The following GREM2 variants were observed in gnomAD, a reference collection of about 807,000 sequenced individuals.
GREM2 encodes gremlin-2.
A neutral mutation model predicts 14.2 loss-of-function variants in GREM2; 11 were observed. That is an observed-to-expected ratio of 0.78 (90% confidence interval 0.49 to 1.28). The LOEUF is 1.28. Ranked by LOEUF, GREM2 falls within the 50% of genes most tolerant of loss-of-function variation. The pLI is 0.00. For missense variants in GREM2, 210 were observed against 218.5 expected (o/e 0.96, Z 0.24); for synonymous variants, 98 against 97.6 (o/e 1.00, Z -0.02).
In GREM2 at chr1:240,510,049, T is replaced by G. The variant is rs143756432; in HGVS notation, c.-1-16573A>C. 8.3e-3 allele frequency among the ~76,000 whole-genome samples: 1,262 copies of G among 152,174 alleles called. 17 individuals carry two copies. The highest frequency in any genetic ancestry group is 0.029 in the African/African-American group (1,195 of 41,508). ...AAATATTCTTACTCAATACATCCATTTATAAAAATAATTATCGCTCTTTAA... is the reference window on the plus strand; with the variant it reads ...AAATATTCTTACTCAATACATCCATGTATAAAAATAATTATCGCTCTTTAA... On this transcript the variant is annotated intron_variant, in intron 1 of 1. Transcript: ENST00000318160.
intron 1 of GREM2, among the ~76,000 whole-genome samples, chr1:240,495,795 A>G (rs1379335761): frequency 2.6e-5 from 4 of 152,142 alleles, no homozygotes; most frequent in African/African-American, 9.7e-5. Context: ...CTAAGTCTAA[A>G]CCACAAGAGG....
At chr1:240,511,931 A>G (rs542978763) in intron 1 of GREM2, among the ~76,000 whole-genome samples, 13 of 152,308 alleles carry the variant, frequency 8.5e-5, no homozygotes, top group Non-Finnish European at 1.5e-4. Flanking sequence ...CCCAATAAGA[A>G]TAAGTGTGGA....
chr1:240,494,697 C>T (rs911566380), intron 1 of GREM2, among the ~76,000 whole-genome samples: 3 of 151,940 alleles, frequency 2.0e-5, no homozygotes, highest in African/African-American at 4.8e-5. Context: ...GTCAGGAGAT[C>T]GAGACCATCC....
At chr1:240,611,091 T>G (rs964247470) in intron 1 of GREM2, among the ~76,000 whole-genome samples, 8 of 146,164 alleles carry the variant, frequency 5.5e-5, no homozygotes, top group Non-Finnish European at 7.6e-5. Context: ...AAAAAAGAAA[T>G]AGAAGTTTAT....
At chr1:240,521,550 G>C (rs556300785) in intron 1 of GREM2, among the ~76,000 whole-genome samples, 1 of 151,992 alleles carries the variant, frequency 6.6e-6, no homozygotes, top group Non-Finnish European at 1.5e-5. Context: ...CAGCCTGGGC[G>C]ACAGTGTGAG....
At chr1:240,596,223 CT>C (rs1214878155) in intron 1 of GREM2, among the ~76,000 whole-genome samples, 1 of 152,142 alleles carries the variant, frequency 6.6e-6, no homozygotes, top group East Asian at 1.9e-4. Context: ...AATCCTAAGT[CT>C]AATCAATCAT....
chr1:240,588,096 A>T (rs1405858903), intron 1 of GREM2, among the ~76,000 whole-genome samples: 1 of 152,168 alleles, frequency 6.6e-6, no homozygotes. Context: ...TGAATGGCAG[A>T]TGTGGAGTAC....
In GREM2 at chr1:240,523,497, A is replaced by T. The variant is rs112363773; in HGVS notation, c.-1-30021T>A. On this transcript the variant is annotated intron_variant, in intron 1 of 1. Transcript: ENST00000318160. ...CAAATGTCCTTTGGGGAGACATTTA[A>T]CAATATAACTAAAGAAAACTCCATA... 5.3e-4 allele frequency among the ~76,000 whole-genome samples: 81 copies of T among 152,326 alleles called. 2 individuals are homozygous for T. Among genetic ancestry groups the T allele is most frequent in the African/African-American group, 1.9e-3 (77 of 41,568 alleles).
chr1:240,562,777 A>ATGAGTGTGTATGTGTGTATG (rs1679072708), intron 1 of GREM2, among the ~76,000 whole-genome samples: 1 of 149,584 alleles, frequency 6.7e-6, no homozygotes, highest in East Asian at 2.0e-4. Flanking sequence ...ATGTGTGTGT[A>ATGAGTGTGTATGTGTGTATG]TGAGTGTGTA....
At chr1:240,508,248 G>A (rs1677724880) in intron 1 of GREM2, among the ~76,000 whole-genome samples, 1 of 152,094 alleles carries the variant, frequency 6.6e-6, no homozygotes, top group Non-Finnish European at 1.5e-5. Context: ...CATATTTATT[G>A]AATGAAAGAA....
Position 240,542,296 on chromosome 1 carries a change from C to CA in GREM2, c.-1-48821dup, listed in dbSNP as rs1402405094. Among the ~76,000 whole-genome samples, 5 of 151,984 alleles carry CA rather than the reference C, an allele frequency of 3.3e-5. No individual in the cohort carries two copies. The highest frequency in any genetic ancestry group is 1.2e-4 in the African/African-American group (5 of 41,388). ...AACAAATCCACAGTAATTGATTCAG[C>CA]ATTTTAATTTCTAAGGAGCTGAGCC... On this transcript the variant is annotated intron_variant, in intron 1 of 1. Transcript: ENST00000318160. This position sits in a 1 kb window ranked among gnomAD's most constrained non-coding sequence, Gnocchi z 4.1.
At chr1:240,534,632 G>T (rs1026360578) in intron 1 of GREM2, among the ~76,000 whole-genome samples, 1 of 151,178 alleles carries the variant, frequency 6.6e-6, no homozygotes, top group African/African-American at 2.4e-5. Context: ...AGTGGAGCTT[G>T]CAGTGAGCTG....
chr1:240,571,842 A>G (rs1453142915), intron 1 of GREM2, among the ~76,000 whole-genome samples: 3 of 152,138 alleles, frequency 2.0e-5, no homozygotes, highest in African/African-American at 7.2e-5. Context: ...CCAGCATTCA[A>G]ATTGAGGAAT....
At chr1:240,537,550 C>T (rs1024519241) in intron 1 of GREM2, among the ~76,000 whole-genome samples, 1 of 151,990 alleles carries the variant, frequency 6.6e-6, no homozygotes, top group Non-Finnish European at 1.5e-5. Context: ...TTTGGGAGGC[C>T]GAGGTGGGTG....
chr1:240,493,591 T>G (rs1572360449), intron 1 of GREM2, 115 bp from the exon 2 acceptor site: 1 of 1,245,188 alleles, frequency 8.0e-7, no homozygotes, highest in Non-Finnish European at 1.1e-6. Context: ...CAGGCTGGAG[T>G]GCAGGGGCAC....
intron 1 of GREM2, among the ~76,000 whole-genome samples, chr1:240,547,279 T>C (rs1253657875): frequency 2.0e-5 from 3 of 151,852 alleles, no homozygotes; most frequent in Non-Finnish European, 2.9e-5. Flanking sequence ...GGTGGGCGGA[T>C]CACGAGGGCA....
intron 1 of GREM2, among the ~76,000 whole-genome samples, chr1:240,512,102 T>A (rs1677847395): frequency 6.6e-6 from 1 of 152,204 alleles, no homozygotes; most frequent in East Asian, 1.9e-4. Context: ...TTTTTAAGCA[T>A]AATAGATTTA....
intron 1 of GREM2, among the ~76,000 whole-genome samples, chr1:240,604,352 T>G (rs749768114): frequency 6.6e-6 from 1 of 151,304 alleles, no homozygotes; most frequent in Admixed American, 6.6e-5. Context: ...AAATGTATGA[T>G]ATACAATTGT....
At chr1:240,598,938 T>C (rs371297556) in intron 1 of GREM2, among the ~76,000 whole-genome samples, 2 of 95,098 alleles carry the variant, frequency 2.1e-5, no homozygotes, top group African/African-American at 5.4e-5. Flanking sequence ...TACCCACCCA[T>C]CCATCCATCC....
Sources: gnomAD v4.1 joint callset for allele counts (sites outside exome capture counted in the v4.1 genomes callset) on GRCh38, gnomAD v4.1.1 for gene constraint, Gnocchi (gnomAD v3.1) non-coding constraint, MANE v1.5 for transcripts, NCBI Gene and HGNC (gene_info 2026-07-23, HGNC 2026-07-21) for gene names.